TNFSF4: variants seen among roughly 807,000 people sequenced by gnomAD.
The protein encoded by TNFSF4 is tumor necrosis factor ligand superfamily member 4.
TNFSF4 carries 4 observed loss-of-function variants against 7.3 expected under a neutral mutation model. The observed-to-expected ratio is 0.55, with a 90% CI of 0.27 to 1.25. The LOEUF (loss-of-function observed/expected upper bound fraction) is 1.25, where lower values mean the gene tolerates loss of function less well. Ranked by LOEUF, TNFSF4 falls within the 50% of genes most tolerant of loss-of-function variation. The pLI, the probability that TNFSF4 is intolerant of heterozygous loss-of-function variation, is 0.12. For missense variants in TNFSF4, 181 were observed against 208.8 expected (o/e 0.87, Z 0.82); for synonymous variants, 76 against 83.7 (o/e 0.91, Z 0.50).
At chr1:173,416,536 A>G in the TNFSF4 span, among the ~76,000 whole-genome samples, 851 of 152,238 alleles carry the variant, frequency 5.6e-3, 8 homozygotes, top group African/African-American at 0.02. Flanking sequence ...CCCAGTAACA[A>G]TATCTTCATT....
chr1:173,341,689 C>T, the TNFSF4 span, among the ~76,000 whole-genome samples: 22 of 152,244 alleles, frequency 1.4e-4, no homozygotes, highest in Admixed American at 4.6e-4. Context: ...ATATAAGTAA[C>T]GTATGTTAGT....
At chr1:173,375,687 G>A in the TNFSF4 span, among the ~76,000 whole-genome samples, 15 of 152,116 alleles carry the variant, frequency 9.9e-5, no homozygotes, top group Admixed American at 7.9e-4. Context: ...GTAGCCAATC[G>A]CAGGGAGGAC....
chr1:173,242,142 A>G, the TNFSF4 span, among the ~76,000 whole-genome samples: 14 of 152,336 alleles, frequency 9.2e-5, no homozygotes, highest in African/African-American at 7.2e-5. Flanking sequence ...CCCAGCCTGA[A>G]GAGGGAGATT....
At chr1:173,193,239 C>T (rs964405040) in intron 1 of TNFSF4, among the ~76,000 whole-genome samples, 6 of 152,122 alleles carry the variant, frequency 3.9e-5, no homozygotes, top group Non-Finnish European at 7.4e-5. Flanking sequence ...TCTCCACATA[C>T]TCAAAGAAAA....
chr1:173,396,712 C>T, the TNFSF4 span, among the ~76,000 whole-genome samples: 1 of 152,166 alleles, frequency 6.6e-6, no homozygotes, highest in African/African-American at 2.4e-5. Flanking sequence ...TTATATATCA[C>T]ACCTGCATTG....
chr1:173,249,114 G>A, the TNFSF4 span, among the ~76,000 whole-genome samples: 1 of 152,282 alleles, frequency 6.6e-6, no homozygotes, highest in East Asian at 1.9e-4. Context: ...AAGTAGAAGG[G>A]AGGGATAGGG....
the TNFSF4 span, among the ~76,000 whole-genome samples, chr1:173,229,001 ACT>A: frequency 2.0e-5 from 3 of 152,240 alleles, no homozygotes; most frequent in Non-Finnish European, 4.4e-5. Flanking sequence ...GTTGGGAAAC[ACT>A]CTGCAGAATA....
chr1:173,412,652 G>A, the TNFSF4 span, among the ~76,000 whole-genome samples: 1 of 152,168 alleles, frequency 6.6e-6, no homozygotes, highest in Non-Finnish European at 1.5e-5. Context: ...AAGATCAACA[G>A]CCAGCCACCA....
chr1:173,276,337 A>G, the TNFSF4 span, among the ~76,000 whole-genome samples: 1 of 152,100 alleles, frequency 6.6e-6, no homozygotes, highest in East Asian at 1.9e-4. Context: ...ACTTCTCCTA[A>G]CTATCCTCTT....
At chr1:173,368,669 C>A in the TNFSF4 span, among the ~76,000 whole-genome samples, 2 of 152,248 alleles carry the variant, frequency 1.3e-5, no homozygotes, top group South Asian at 4.1e-4. Context: ...CAAGGGTCAA[C>A]AGAGAAGAAA....
chr1:173,349,445 A>G, the TNFSF4 span, among the ~76,000 whole-genome samples: 5 of 152,254 alleles, frequency 3.3e-5, no homozygotes, highest in Admixed American at 2.0e-4. Flanking sequence ...TAAATATAGT[A>G]TAAGTATACT....
the TNFSF4 span, among the ~76,000 whole-genome samples, chr1:173,359,357 G>T: frequency 6.6e-6 from 1 of 151,488 alleles, no homozygotes; most frequent in South Asian, 2.1e-4. Context: ...ATATGTGATA[G>T]GCCCTGTGTT....
At chr1:173,226,789 C>A in the TNFSF4 span, among the ~76,000 whole-genome samples, 3 of 152,132 alleles carry the variant, frequency 2.0e-5, no homozygotes, top group African/African-American at 7.2e-5. Flanking sequence ...GCTTTAAGTG[C>A]AATTTAAGTA....
the TNFSF4 span, among the ~76,000 whole-genome samples, chr1:173,351,006 G>A: frequency 6.6e-6 from 1 of 152,154 alleles, no homozygotes; most frequent in Non-Finnish European, 1.5e-5. Flanking sequence ...TCACCCAGCA[G>A]CCCATAGGAA....
At chr1:173,429,742 T>C in the TNFSF4 span, among the ~76,000 whole-genome samples, 326 of 152,368 alleles carry the variant, frequency 2.1e-3, 4 homozygotes, top group African/African-American at 7.6e-3. Flanking sequence ...TAATTGGGTC[T>C]GAATAAAAGG....
At chr1:173,289,554 G>A in the TNFSF4 span, among the ~76,000 whole-genome samples, 2 of 152,070 alleles carry the variant, frequency 1.3e-5, no homozygotes, top group African/African-American at 2.4e-5. Flanking sequence ...ATGCAAATAT[G>A]AGAGAAATGT....
chr1:173,447,911 G>A, the TNFSF4 span, among the ~76,000 whole-genome samples: 1 of 151,994 alleles, frequency 6.6e-6, no homozygotes, highest in South Asian at 2.1e-4. Context: ...GACATAGATG[G>A]GAATAGAAGT....
the TNFSF4 span, among the ~76,000 whole-genome samples, chr1:173,350,132 C>A: frequency 6.6e-6 from 1 of 152,128 alleles, no homozygotes; most frequent in Non-Finnish European, 1.5e-5. Flanking sequence ...AAAAATACTT[C>A]CATCCCTGCA....
At chr1:173,277,464 C>T in the TNFSF4 span, among the ~76,000 whole-genome samples, 12 of 151,930 alleles carry the variant, frequency 7.9e-5, no homozygotes, top group South Asian at 2.1e-4. Flanking sequence ...AGAACTTCAA[C>T]GGTAAAAACA....
Sources: gnomAD v4.1 joint callset for allele counts (sites outside exome capture counted in the v4.1 genomes callset) on GRCh38, gnomAD v4.1.1 for gene constraint, MANE v1.5 for transcripts, NCBI Gene and HGNC (gene_info 2026-07-23, HGNC 2026-07-21) for gene names.